Variants in MECOM observed in about 807,000 individuals in gnomAD.
MECOM encodes the protein histone-lysine N-methyltransferase MECOM.
A neutral mutation model predicts 116.3 loss-of-function variants in MECOM; 13 were observed. That is an observed-to-expected ratio of 0.11 (90% CI 0.07 to 0.18). MECOM has a LOEUF of 0.18. Ranked by LOEUF, MECOM falls within the 10% of genes least tolerant of loss-of-function variation. MECOM has a pLI of 1.00. For synonymous variants in MECOM, 528 were observed against 535.2 expected (o/e 0.99, Z 0.19); for missense variants, 1,299 against 1,509.0 (o/e 0.86, Z 2.31).
chr3:169,493,202 G>A (rs1156581904), intron 1 of MECOM, among the ~76,000 whole-genome samples: 1 of 152,150 alleles, frequency 6.6e-6, no homozygotes, highest in Non-Finnish European at 1.5e-5. Flanking sequence ...TGGGTACCAA[G>A]CACTGGGGCT....
Position 169,219,905 on chromosome 3 carries a change from G to GT in MECOM, c.376-76074dup, listed in dbSNP as rs1272317202. On this transcript the variant is annotated intron_variant, in intron 2 of 16. Coordinates refer to ENST00000651503, the MANE Select transcript of MECOM (RefSeq NM_004991.4). ...CCTAACCTAGGAACCATCTCATTAA[G>GT]TTTTTTTAAAGGATCTAATATATAT... Among the ~76,000 whole-genome samples, 10 of 148,348 alleles carry GT rather than the reference G, an allele frequency of 6.7e-5. No individual in the cohort carries two copies. In the East Asian group the frequency reaches 1.6e-3, roughly 23 times the overall value.
chr3:169,630,452 T>TAAA (rs71166258), intron 1 of MECOM, among the ~76,000 whole-genome samples: 3 of 131,308 alleles, frequency 2.3e-5, no homozygotes, highest in Admixed American at 1.5e-4. Context: ...AATTTATTCT[T>TAAA]AAAAAAAAAA....
chr3:169,088,087 T>C (rs1300640606), intron 16 of MECOM, among the ~76,000 whole-genome samples: 1 of 152,204 alleles, frequency 6.6e-6, no homozygotes, highest in Admixed American at 6.5e-5. Context: ...CCCAGACATC[T>C]TACCCAAATA....
chr3:169,631,586 T>C (rs1422635970), intron 1 of MECOM, among the ~76,000 whole-genome samples: 3 of 150,038 alleles, frequency 2.0e-5, no homozygotes, highest in African/African-American at 7.3e-5. Flanking sequence ...GCATTAGGTA[T>C]ATCTCCTAAA....
At chr3:169,573,772 A>G (rs1162249191) in intron 1 of MECOM, among the ~76,000 whole-genome samples, 1 of 152,206 alleles carries the variant, frequency 6.6e-6, no homozygotes, top group Non-Finnish European at 1.5e-5. Context: ...CCTAGGTACC[A>G]GTTTTTCCTA....
At chr3:169,258,390 T>G (rs2149603292) in intron 2 of MECOM, among the ~76,000 whole-genome samples, 1 of 152,342 alleles carries the variant, frequency 6.6e-6, no homozygotes. Flanking sequence ...GTTTGGAAAC[T>G]GAAGCCCAGG....
chr3:169,257,714 C>G (rs1478559596), intron 2 of MECOM, among the ~76,000 whole-genome samples: 1 of 152,136 alleles, frequency 6.6e-6, no homozygotes, highest in Non-Finnish European at 1.5e-5. Flanking sequence ...CTTTTTCTTT[C>G]CCTTTTTTCC....
At chr3:169,101,888 A>T (rs1473345192) in intron 11 of MECOM, among the ~76,000 whole-genome samples, 172 bp downstream of exon 11, 1 of 152,230 alleles carries the variant, frequency 6.6e-6, no homozygotes, top group East Asian at 1.9e-4. Flanking sequence ...ATAATTTTTT[A>T]AAAACACTAT....
intron 2 of MECOM, among the ~76,000 whole-genome samples, chr3:169,182,345 C>G (rs886350255): frequency 5.3e-5 from 8 of 152,172 alleles, no homozygotes; most frequent in Non-Finnish European, 5.9e-5. Context: ...GTTTTACCCC[C>G]AAAGATTCTA....
At chr3:169,524,063 T>TAC (rs1351075325) in intron 1 of MECOM, among the ~76,000 whole-genome samples, 1 of 147,222 alleles carries the variant, frequency 6.8e-6, no homozygotes, top group Non-Finnish European at 1.5e-5. Flanking sequence ...TATATATATA[T>TAC]ATTTGCTGTT....
intron 1 of MECOM, among the ~76,000 whole-genome samples, chr3:169,615,989 T>G (rs1223856053): frequency 6.6e-6 from 1 of 152,232 alleles, no homozygotes; most frequent in Non-Finnish European, 1.5e-5. Flanking sequence ...TTCCTGTTGG[T>G]GGCTCCTTTC....
chr3:169,208,296 T>C (rs1172997888), intron 2 of MECOM, among the ~76,000 whole-genome samples: 1 of 148,312 alleles, frequency 6.7e-6, no homozygotes, highest in Non-Finnish European at 1.5e-5. Flanking sequence ...TTACATTATA[T>C]ATACATTATA....
chr3:169,375,589 T>G (rs1017821900), intron 2 of MECOM, among the ~76,000 whole-genome samples: 5 of 152,028 alleles, frequency 3.3e-5, no homozygotes, highest in Admixed American at 6.6e-5. Context: ...AAGAAATGGA[T>G]AAATTCCTGG....
intron 1 of MECOM, 116 bp downstream of exon 1, chr3:169,663,220 C>G: frequency 8.0e-7 from 1 of 1,250,684 alleles, no homozygotes; most frequent in Non-Finnish European, 1.1e-6. Flanking sequence ...CGCCTGCCCT[C>G]CACCCGGGGC....
chr3:169,164,309 C>T (rs1214479278), intron 2 of MECOM, among the ~76,000 whole-genome samples: 1 of 152,136 alleles, frequency 6.6e-6, no homozygotes, highest in South Asian at 2.1e-4. Context: ...TGCCTGCTGC[C>T]ATCCACATAA....
chr3:169,263,278 G>A (rs1412402929), intron 2 of MECOM, among the ~76,000 whole-genome samples: 5 of 150,214 alleles, frequency 3.3e-5, no homozygotes, highest in African/African-American at 7.4e-5. Context: ...ACAGGCGCCC[G>A]CCACCATGCT....
chr3:169,265,616 A>AC (rs1758180510), intron 2 of MECOM, among the ~76,000 whole-genome samples: 1 of 152,224 alleles, frequency 6.6e-6, no homozygotes, highest in Non-Finnish European at 1.5e-5. Context: ...GAGAGCTGGG[A>AC]ACCCATAGGC....
intron 3 of MECOM, chr3:169,131,859 T>TTTGAG (rs1734824970): frequency 1.0e-6 from 1 of 979,608 alleles, no homozygotes; most frequent in South Asian, 3.5e-5. Flanking sequence ...CTCTGAATCC[T>TTTGAG]CAAAGCACCC....
chr3:169,106,263 A>G (rs2148991613), intron 10 of MECOM, among the ~76,000 whole-genome samples: 1 of 152,246 alleles, frequency 6.6e-6, no homozygotes, highest in Non-Finnish European at 1.5e-5. Context: ...TCCATGTATC[A>G]CATTCAGCAG....
Sources: gnomAD v4.1 joint callset for allele counts (sites outside exome capture counted in the v4.1 genomes callset) on GRCh38, gnomAD v4.1.1 for gene constraint, MANE v1.5 for transcripts, NCBI Gene and HGNC (gene_info 2026-07-23, HGNC 2026-07-21) for gene names.